The following NELL1 variants were observed in gnomAD, a reference collection of about 807,000 sequenced individuals.
The protein encoded by NELL1 is neural EGFL like 1.
In NELL1, 76 loss-of-function variants were observed where a neutral mutation model predicts 107.4. That is an observed-to-expected ratio of 0.71 (90% CI 0.59 to 0.86). The LOEUF (loss-of-function observed/expected upper bound fraction) is 0.86. Ranked by LOEUF, NELL1 falls within the 40% of genes least tolerant of loss-of-function variation. The pLI is 0.00. For synonymous variants in NELL1, 353 were observed against 341.2 expected (o/e 1.03, Z -0.38); for missense variants, 1,024 against 1,005.5 (o/e 1.02, Z -0.25).
In NELL1 at chr11:21,311,135, T is replaced by C. The variant is rs1849741451; in HGVS notation, c.1550-59718T>C. 2.0e-5 allele frequency among the ~76,000 whole-genome samples: 3 copies of C among 152,158 alleles called. No homozygotes were observed. The South Asian group carries it at 6.2e-4, about 31-fold the overall frequency. On this transcript the variant is annotated intron_variant, in intron 14 of 19. Transcript: ENST00000357134. ...GATGCTGTCAGGAAACTGATACATT[T>C]GTAAAAAGAAATGCATTACCCATGC...
At chr11:21,511,503 A>G (rs1352392133) in intron 15 of NELL1, among the ~76,000 whole-genome samples, 1 of 152,180 alleles carries the variant, frequency 6.6e-6, no homozygotes, top group African/African-American at 2.4e-5. Flanking sequence ...CAGTGAAGGA[A>G]GAGAGACAAT....
intron 11 of NELL1, 33 bp downstream of exon 11, chr11:20,947,468 G>T (rs755004783): frequency 6.6e-7 from 1 of 1,506,516 alleles, no homozygotes; most frequent in Admixed American, 1.7e-5. Context: ...CATGCGTGGG[G>T]TGAGGCTGGG....
intron 15 of NELL1, among the ~76,000 whole-genome samples, chr11:21,445,947 C>A (rs1462010973): frequency 6.6e-6 from 1 of 152,170 alleles, no homozygotes; most frequent in African/African-American, 2.4e-5. Flanking sequence ...CCCTATTAAT[C>A]TCTCTACTTC....
At chr11:21,281,908 G>T (rs1032022074) in intron 14 of NELL1, among the ~76,000 whole-genome samples, 6 of 152,190 alleles carry the variant, frequency 3.9e-5, no homozygotes. Context: ...AAAAACATCA[G>T]AGGAAGTCTC....
chr11:21,271,826 A>C (rs1848745785), intron 14 of NELL1, among the ~76,000 whole-genome samples: 1 of 152,242 alleles, frequency 6.6e-6, no homozygotes, highest in Non-Finnish European at 1.5e-5. Flanking sequence ...TCAACATTTG[A>C]AAATCATTTG....
intron 13 of NELL1, among the ~76,000 whole-genome samples, chr11:21,226,437 C>A (rs1311765724): frequency 6.6e-6 from 1 of 152,184 alleles, no homozygotes; most frequent in Non-Finnish European, 1.5e-5. Flanking sequence ...CTGAGTTTCT[C>A]TACTTACCAG....
intron 12 of NELL1, among the ~76,000 whole-genome samples, chr11:21,068,423 G>A (rs1305277614): frequency 2.0e-5 from 3 of 152,166 alleles, no homozygotes; most frequent in African/African-American, 7.2e-5. Context: ...TCTGAGTCAA[G>A]TCTACTCTTT....
At chr11:20,944,321 A>G (rs1222214540) in intron 10 of NELL1, among the ~76,000 whole-genome samples, 1 of 151,552 alleles carries the variant, frequency 6.6e-6, no homozygotes, top group African/African-American at 2.4e-5. Flanking sequence ...GTTTCCAGGA[A>G]TTAACATAAT....
At chr11:20,818,946 C>T (rs1401794) in intron 3 of NELL1, among the ~76,000 whole-genome samples, 94,592 of 151,946 alleles carry the variant, frequency 0.62, 30,690 homozygotes, top group Non-Finnish European at 0.73. Flanking sequence ...GTATTATTAC[C>T]CTCGCATCAC....
intron 14 of NELL1, among the ~76,000 whole-genome samples, chr11:21,271,788 A>G (rs1220596992): frequency 6.6e-6 from 1 of 152,258 alleles, no homozygotes; most frequent in Non-Finnish European, 1.5e-5. Flanking sequence ...CAGGCGGTGT[A>G]TATTATCCCA....
At chr11:21,304,738 G>A (rs905086970) in intron 14 of NELL1, among the ~76,000 whole-genome samples, 1 of 151,754 alleles carries the variant, frequency 6.6e-6, no homozygotes, top group Non-Finnish European at 1.5e-5. Flanking sequence ...CTAATATTCT[G>A]TATCATCGAC....
At chr11:21,358,307 T>C (rs961142576) in intron 14 of NELL1, among the ~76,000 whole-genome samples, 4 of 152,184 alleles carry the variant, frequency 2.6e-5, no homozygotes, top group African/African-American at 9.7e-5. Flanking sequence ...GTTTGTGTCA[T>C]CTATAATTTC....
intron 3 of NELL1, among the ~76,000 whole-genome samples, chr11:20,828,055 T>A (rs1199195363): frequency 1.3e-5 from 2 of 151,282 alleles, no homozygotes; most frequent in Non-Finnish European, 3.0e-5. Flanking sequence ...AGAAAGGGCA[T>A]CTTTAGTATT....
At chr11:20,896,784 C>A (rs1400895213) in intron 5 of NELL1, among the ~76,000 whole-genome samples, 5 of 151,952 alleles carry the variant, frequency 3.3e-5, no homozygotes, top group South Asian at 2.1e-4. Context: ...AAACAGAGAG[C>A]CAAATCATGA....
At chr11:21,079,922 C>A (rs949351212) in intron 12 of NELL1, among the ~76,000 whole-genome samples, 4 of 151,806 alleles carry the variant, frequency 2.6e-5, no homozygotes, top group African/African-American at 9.7e-5. Flanking sequence ...GTGGGTGGTA[C>A]TTTTTGAAAG....
chr11:21,299,936 G>T (rs1188135321), intron 14 of NELL1, among the ~76,000 whole-genome samples: 1 of 151,970 alleles, frequency 6.6e-6, no homozygotes, highest in African/African-American at 2.4e-5. Context: ...CATAATTGGT[G>T]AACCTCTGCT....
intron 16 of NELL1, among the ~76,000 whole-genome samples, chr11:21,551,882 C>A (rs2133990879): frequency 6.7e-6 from 1 of 149,342 alleles, no homozygotes; most frequent in Non-Finnish European, 1.5e-5. Context: ...GACTTGGAAC[C>A]AACCCAAATG....
intron 2 of NELL1, among the ~76,000 whole-genome samples, chr11:20,708,864 T>A (rs939551472): frequency 1.2e-4 from 19 of 152,122 alleles, no homozygotes; most frequent in African/African-American, 4.6e-4. Flanking sequence ...AAGACAATAT[T>A]TCCATGGACT....
chr11:20,990,417 T>G (rs1402473319), intron 12 of NELL1, among the ~76,000 whole-genome samples: 1 of 152,204 alleles, frequency 6.6e-6, no homozygotes, highest in Non-Finnish European at 1.5e-5. Context: ...CAGTGCCCAC[T>G]TGACCATAGA....
Sources: allele counts gnomAD v4.1 joint callset (sites outside exome capture counted in the v4.1 genomes callset), GRCh38; gene constraint gnomAD v4.1.1; transcripts MANE v1.5; gene names NCBI Gene and HGNC (gene_info 2026-07-23, HGNC 2026-07-21).